KCP: variants seen among roughly 807,000 people sequenced by gnomAD.
KCP encodes kielin cysteine rich BMP regulator, also known as kielin/chordin-like protein.
A neutral mutation model predicts 212.7 loss-of-function variants in KCP; 194 were observed. That is an observed-to-expected ratio of 0.91 (90% CI 0.81 to 1.03). The LOEUF is 1.03. Ranked by LOEUF, KCP falls within the 50% of genes least tolerant of loss-of-function variation. The probability of loss-of-function intolerance (pLI) is 0.00; values close to 1 mark genes in which losing one functional copy is unlikely to be tolerated. For synonymous variants in KCP, 833 were observed against 865.3 expected (o/e 0.96, Z 0.65); for missense variants, 2,080 against 2,162.5 (o/e 0.96, Z 0.76).
intron 5 of KCP, among the ~76,000 whole-genome samples, chr7:128,905,467 C>T (rs1233544670): frequency 9.9e-5 from 15 of 152,174 alleles, no homozygotes; most frequent in East Asian, 3.9e-4. Flanking sequence ...GTCCCAAGCT[C>T]GGCCTCCACT....
chr7:128,902,179 G>A (rs907203764), intron 8 of KCP, among the ~76,000 whole-genome samples: 5 of 152,272 alleles, frequency 3.3e-5, no homozygotes, highest in Non-Finnish European at 5.9e-5. Context: ...ACAGTCATGA[G>A]CCACCATGCT....
chr7:128,900,101 A>C (rs115464795), intron 8 of KCP, among the ~76,000 whole-genome samples: 2,788 of 152,256 alleles, frequency 0.018, 74 homozygotes, highest in African/African-American at 0.049. Flanking sequence ...AAAAAATCTT[A>C]TCTGAGATTC....
At chr7:128,879,162 A>C in intron 37 of KCP, 1 of 349,494 alleles carries the variant, frequency 2.9e-6, no homozygotes, top group Non-Finnish European at 5.3e-6. Context: ...ACTCTTCCAC[A>C]TGAGAGTTGG....
At chr7:128,903,606 A>C in intron 7 of KCP, 121 bp downstream of exon 7, 1 of 731,522 alleles carries the variant, frequency 1.4e-6, no homozygotes. Context: ...ATTTGAGCTC[A>C]GGCATTCCAG....
At chr7:128,907,005 C>T in intron 4 of KCP, 96 bp downstream of exon 4, 4 of 1,197,104 alleles carry the variant, frequency 3.3e-6, no homozygotes, top group Non-Finnish European at 4.7e-6. Context: ...GCAGGCAGAG[C>T]CCATTATGCG....
rs544502025 is a variant in KCP at position 128,906,505 on chromosome 7, T to C, written c.487-142A>G. 1.3e-4 allele frequency: 91 copies of C among 678,682 alleles called. No individual in the cohort carries two copies. In the African/African-American group the frequency reaches 1.5e-3, roughly 11 times the overall value. The allele number at this position is 678,682 out of a possible 1,614,324, so 42.0% of individuals were successfully genotyped here. A position where few individuals can be genotyped will look rare whatever the true frequency, so the allele number is the denominator to read the frequency against. On this transcript the variant is annotated intron_variant, in intron 4 of 39. Transcript: ENST00000610776. The stretch of plus-strand genomic sequence containing the variant: ...CTCTGTGGATGTGGGCTACCCTCTG[T>C]GTAAAGGCAGAAAAGAGACATCCCG...
chr7:128,883,949 G>T, intron 29 of KCP, 53 bp downstream of exon 29: 5 of 1,514,872 alleles, frequency 3.3e-6, no homozygotes, highest in Non-Finnish European at 3.5e-6. Context: ...AGGGCGGCAG[G>T]GGGTGGCAGC....
chr7:128,886,792 C>T (rs1184099721), intron 24 of KCP, 55 bp from the exon 25 acceptor site: 69 of 1,520,706 alleles, frequency 4.5e-5, no homozygotes, highest in Non-Finnish European at 5.6e-5. Flanking sequence ...CCCTGCTCGG[C>T]CCAGCCTTAG....
chr7:128,893,113 C>A, intron 13 of KCP, 92 bp from the exon 14 acceptor site: 1 of 1,088,746 alleles, frequency 9.2e-7, no homozygotes, highest in South Asian at 1.4e-5. Context: ...TCGCCATCCC[C>A]GCTGACACTG....
rs1323588435 is a variant in KCP at position 128,881,723 on chromosome 7, G to A, written c.3327C>T (p.Asp1109=). The part of the protein sequence containing the change: ...PDPCYTCQCQ[D]LTWLCIHQAC... Reference sequence around the variant, plus strand: ...CCTGGTGGATGCAGAGCCATGTCAGGTCCTGCCCATGTGAACACAAGAGGT... The same window carrying A: ...CCTGGTGGATGCAGAGCCATGTCAGATCCTGCCCATGTGAACACAAGAGGT... Residue 1109 remains aspartate, a splice_region_variant and synonymous_variant, in exon 31 of 40, where the codon GAC becomes GAT. Transcript: ENST00000610776. 1 of 1,537,520 alleles carries A rather than the reference G, an allele frequency of 6.5e-7. No homozygotes were observed. The highest frequency in any genetic ancestry group is 2.2e-5 in the Admixed American group (1 of 45,368).
At chr7:128,887,354 T>TCA (rs375072284) in intron 22 of KCP, 54 bp from the exon 23 acceptor site, 286 of 1,288,374 alleles carry the variant, frequency 2.2e-4, no homozygotes, top group Middle Eastern at 4.9e-4. Context: ...ACCTCCACTG[T>TCA]CACACACACA....
In KCP at chr7:128,880,045, CG is replaced by C; in HGVS notation, c.3799del (p.Arg1267AlafsTer48). On this transcript the variant is annotated frameshift_variant, in exon 35 of 40. Transcript: ENST00000610776. LOFTEE classifies it high-confidence loss of function. ...GCAGGAAGCGGGCCGAGGCAGGCAGCGGGGGCAGCAGCTGCCAGGACTCAGG... is the reference window on the plus strand; with the variant it reads ...GCAGGAAGCGGGCCGAGGCAGGCAGCGGGGCAGCAGCTGCCAGGACTCAGG... ...PALSPGSCCP[R>X]CLPRPASCMA... 1 of 1,547,546 alleles carries C rather than the reference CG, an allele frequency of 6.5e-7. No individual in the cohort carries two copies.
Position 128,878,722 on chromosome 7 carries a change from C to T in KCP, c.4147G>A (p.Val1383Met). 1.3e-6 allele frequency: 2 copies of T among 1,548,958 alleles called. No homozygotes were observed. The highest frequency in any genetic ancestry group is 1.7e-6 in the Non-Finnish European group (2 of 1,146,806). The change falls in exon 38 of 40, where the codon GTG becomes ATG. Residue 1383 changes from valine to methionine, a missense_variant and splice_region_variant. By Grantham distance (21) the Val-to-Met change is conservative. Transcript: ENST00000610776. ...VILHAQPGLQ[V>M]LWDGQSQVEV... is the part of the protein sequence containing the mutation. ...ACCTGGGACTGCCCATCCCACAGCA[C>T]CTGTGTGGAGAGGCCTGAGACTGGG...
chr7:128,902,519 C>T (rs73461531), intron 8 of KCP, among the ~76,000 whole-genome samples: 7,488 of 152,200 alleles, frequency 0.049, 648 homozygotes, highest in African/African-American at 0.17. Context: ...CCATATCCTG[C>T]CCGGTCTCCT....
chr7:128,890,524 G>A lies in KCP; in HGVS notation c.2165-11C>T, dbSNP rs1794029771. ...CCTGGTACAGGCAGCCTGGGGAGAA[G>A]GGCAGGGGCTGGGGGGCCGTGGGGA... On this transcript the variant is annotated splice_polypyrimidine_tract_variant and intron_variant, in intron 20 of 39. Transcript: ENST00000610776. 5 of 1,543,632 alleles carry A rather than the reference G, an allele frequency of 3.2e-6. No homozygotes were observed. Among genetic ancestry groups the A allele is most frequent in the East Asian group, 4.9e-5 (2 of 40,824 alleles).
intron 27 of KCP, 33 bp downstream of exon 27, chr7:128,885,064 C>T (rs1029349008): frequency 8.4e-6 from 13 of 1,550,118 alleles, no homozygotes; most frequent in Admixed American, 5.9e-5. Context: ...GCTCCCTCCT[C>T]GCCTTTCCCC....
chr7:128,894,646 G>T (rs953183315), intron 8 of KCP, among the ~76,000 whole-genome samples: 1 of 152,044 alleles, frequency 6.6e-6, no homozygotes, highest in African/African-American at 2.4e-5. Flanking sequence ...TGCTCTTGTT[G>T]CCCAGGCTGG....
chr7:128,879,735 G>A lies in KCP; in HGVS notation c.4027C>T (p.Gln1343Ter). 6.5e-7 allele frequency: 1 copy of A among 1,550,140 alleles called. No individual in the cohort carries two copies. The highest frequency in any genetic ancestry group is 8.7e-7 in the Non-Finnish European group (1 of 1,146,982). ...LLGDMAVRLL[Q>*]DGAVTVDGHP... ...TTGCTCACCGTGACTGCCCCGTCCT[G>A]CAGCAGCCGCACGGCCATGTCTCCC... The change falls in exon 36 of 40, where the codon CAG (glutamine) becomes TAG (stop). Residue 1343 changes from glutamine to a stop codon, truncating the protein, a stop_gained. Coordinates refer to ENST00000610776, the MANE Select transcript of KCP (RefSeq NM_001366122.1). LOFTEE classifies it high-confidence loss of function.
rs1271296408 is a variant in KCP, at chr7:128,877,267, C to T, written c.4663G>A (p.Gly1555Ser). Reference sequence around the variant, plus strand: ...AAGCAGGTGCGGGGACAGGGTGGGCCGCACTCATCAAACACGAAGCCACGC... The same window carrying T: ...AAGCAGGTGCGGGGACAGGGTGGGCTGCACTCATCAAACACGAAGCCACGC... The part of the protein sequence containing the change: ...LERGFVFDEC[G>S]PPCPRTCFNQ... The change falls in exon 40 of 40, where the codon GGC (glycine) becomes AGC (serine). Residue 1555 changes from glycine (G) to serine (S), a missense_variant. Coordinates refer to ENST00000610776, the MANE Select transcript of KCP (RefSeq NM_001366122.1). The T allele has an allele frequency of 1.0e-5, 15 of 1,502,032 alleles. No homozygotes were observed. The highest frequency in any genetic ancestry group is 3.9e-5 in the South Asian group (3 of 76,362). 93.0% of individuals were successfully genotyped at this position (1,502,032 alleles called of 1,614,324 possible).
Sources: allele counts gnomAD v4.1 joint callset (sites outside exome capture counted in the v4.1 genomes callset), GRCh38; gene constraint gnomAD v4.1.1; transcripts MANE v1.5; gene names NCBI Gene and HGNC (gene_info 2026-07-23, HGNC 2026-07-21).